The following CEP97 variants were observed in gnomAD, a reference collection of about 807,000 sequenced individuals.
CEP97 encodes the protein centrosomal protein of 97 kDa.
CEP97 carries 43 observed loss-of-function variants against 73.1 expected under a neutral mutation model. The observed-to-expected ratio is 0.59, with a 90% CI of 0.46 to 0.76. CEP97 has a LOEUF of 0.76. Among genes scored for constraint, CEP97 ranks in the 30% least tolerant of loss-of-function variants. The pLI is 0.00. For synonymous variants in CEP97, 337 were observed against 370.0 expected (o/e 0.91, Z 1.02); for missense variants, 939 against 1,014.0 (o/e 0.93, Z 1.00).
chr3:101,765,223 A>G lies in CEP97; in HGVS notation c.2270A>G (p.Glu757Gly). The change falls in exon 11 of 11, where the codon GAA becomes GGA. Residue 757 changes from glutamate (E) to glycine (G), a missense_variant. Glu to Gly is a moderately conservative substitution (Grantham distance 98, BLOSUM62 -2). Transcript: ENST00000341893. ...GGGGATGTTAGTGAAGAACATGGTG[A>G]ATGGAATAAGGAAAGCTCAAATAAC... is the stretch of plus-strand genomic sequence containing the variant. ...DLGDVSEEHG[E>G]WNKESSNNEQ... 1 of 1,614,214 alleles carries G rather than the reference A, an allele frequency of 6.2e-7. No homozygotes were observed. Among genetic ancestry groups the G allele is most frequent in the East Asian group, 2.2e-5 (1 of 44,878 alleles).
chr3:101,734,490 C>T (rs745518367), intron 6 of CEP97, among the ~76,000 whole-genome samples: 5 of 152,048 alleles, frequency 3.3e-5, no homozygotes, highest in South Asian at 4.1e-4. Flanking sequence ...GATGGGAGGA[C>T]GGGTGGTAGA....
At chr3:101,739,292 A>G (rs1938373130) in intron 6 of CEP97, among the ~76,000 whole-genome samples, 1 of 152,198 alleles carries the variant, frequency 6.6e-6, no homozygotes, top group Non-Finnish European at 1.5e-5. Flanking sequence ...ACAAAAGAAA[A>G]AGAGGGACTC....
chr3:101,744,683 A>G (rs1019876477), intron 6 of CEP97, among the ~76,000 whole-genome samples: 1 of 152,218 alleles, frequency 6.6e-6, no homozygotes, highest in Non-Finnish European at 1.5e-5. Flanking sequence ...TAGTCTGTCA[A>G]CAGTGCTCCC....
chr3:101,739,680 G>T (rs538352761), intron 6 of CEP97, among the ~76,000 whole-genome samples: 19 of 152,206 alleles, frequency 1.2e-4, no homozygotes, highest in African/African-American at 4.6e-4. Flanking sequence ...GGCCGAGGTG[G>T]GTGGATCATG....
chr3:101,752,563 G>A (rs1039119481), intron 6 of CEP97, among the ~76,000 whole-genome samples: 5 of 152,106 alleles, frequency 3.3e-5, no homozygotes, highest in Non-Finnish European at 7.3e-5. Context: ...TTTTCACATA[G>A]TCCCTATTTC....
Position 101,757,153 on chromosome 3 carries a change from G to C in CEP97, c.984G>C (p.Glu328Asp), listed in dbSNP as rs183185194. The stretch of plus-strand genomic sequence containing the variant: ...AAACAAGGGCATCCCTTATTCCTGA[G>C]CATTCAAGCCCTGTTCAAGATTGCC... The part of the protein sequence containing the change: ...PVETRASLIP[E>D]HSSPVQDCQI... The change falls in exon 8 of 11, where the codon GAG (glutamate) becomes GAC (aspartate). Residue 328 changes from glutamate (E) to aspartate (D), a missense_variant. Physicochemically the swap from Glu to Asp is conservative, Grantham distance 45 (BLOSUM62 2). Transcript: ENST00000341893. The C allele has an allele frequency of 1.6e-5, 25 of 1,612,876 alleles. No homozygotes were observed. The highest frequency in any genetic ancestry group is 2.1e-5 in the Non-Finnish European group (25 of 1,179,706).
intron 6 of CEP97, among the ~76,000 whole-genome samples, chr3:101,741,644 C>A (rs970255708): frequency 3.3e-5 from 5 of 152,086 alleles, no homozygotes; most frequent in African/African-American, 1.2e-4. Flanking sequence ...ATGCGGCCAA[C>A]AATCATATGA....
At position 101,766,576 on chromosome 3, in the gene CEP97, C is replaced by G. The variant is rs1168569850; in HGVS notation, c.*1025C>G. The G allele has an allele frequency of 6.6e-6, 1 of 152,370 alleles. No individual in the cohort carries two copies. Among genetic ancestry groups the G allele is most frequent in the Non-Finnish European group, 1.5e-5 (1 of 67,996 alleles). 9.4% of individuals were successfully genotyped at this position (152,370 alleles called of 1,614,324 possible). On this transcript the variant is annotated 3_prime_UTR_variant, in exon 11 of 11. Transcript: ENST00000341893. ...TTTTGTCTAACCTGAAAAAGTTCCA[C>G]ATTTGGAAGACAATTTAATGATGGT...
At chr3:101,745,318 T>G (rs1461093887) in intron 6 of CEP97, among the ~76,000 whole-genome samples, 1 of 152,190 alleles carries the variant, frequency 6.6e-6, no homozygotes, top group African/African-American at 2.4e-5. Flanking sequence ...TGGAATGCAG[T>G]GACAGGATCA....
chr3:101,764,808 T>C, intron 10 of CEP97, 39 bp from the exon 11 acceptor site: 16 of 1,529,302 alleles, frequency 1.0e-5, no homozygotes, highest in Non-Finnish European at 1.4e-5. Flanking sequence ...AAAACAACAC[T>C]TTTTATTTTA....
chr3:101,735,900 G>A (rs942165039), intron 6 of CEP97, among the ~76,000 whole-genome samples: 6 of 152,170 alleles, frequency 3.9e-5, no homozygotes, highest in Admixed American at 2.6e-4. Context: ...GTGGTCTAGC[G>A]CAGAGGATCC....
At chr3:101,737,707 GA>G (rs1283421329) in intron 6 of CEP97, among the ~76,000 whole-genome samples, 1 of 152,052 alleles carries the variant, frequency 6.6e-6, no homozygotes, top group African/African-American at 2.4e-5. Flanking sequence ...ACATGGAAAG[GA>G]AAAACCAGTA....
At chr3:101,763,356 G>C (rs974007538) in intron 10 of CEP97, among the ~76,000 whole-genome samples, 2 of 151,752 alleles carry the variant, frequency 1.3e-5, no homozygotes, top group Non-Finnish European at 2.9e-5. Context: ...ATAAGGTAAT[G>C]GTATTCACCA....
At chr3:101,730,556 G>T (rs1235099903) in intron 4 of CEP97, among the ~76,000 whole-genome samples, 1 of 149,374 alleles carries the variant, frequency 6.7e-6, no homozygotes, top group Non-Finnish European at 1.5e-5. Context: ...GAGCCACTGC[G>T]CTGGGTCCCA....
chr3:101,768,628 G>C lies in CEP97; in HGVS notation c.*3077G>C, dbSNP rs1704372581. 1.3e-5 allele frequency: 2 copies of C among 152,190 alleles called. No individual in the cohort carries two copies. The highest frequency in any genetic ancestry group is 4.8e-5 in the African/African-American group (2 of 41,430). 9.4% of individuals were successfully genotyped at this position (152,190 alleles called of 1,614,324 possible). On this transcript the variant is annotated 3_prime_UTR_variant, in exon 11 of 11. Coordinates refer to ENST00000341893, the MANE Select transcript of CEP97 (RefSeq NM_024548.4). ...AGGCCAGAGGATCACTTGAGGCCAGGAGTTCAAGACCAGCCTGGACAACAT... is the reference window on the plus strand; with the variant it reads ...AGGCCAGAGGATCACTTGAGGCCAGCAGTTCAAGACCAGCCTGGACAACAT...
intron 10 of CEP97, 24 bp from the exon 11 acceptor site, chr3:101,764,823 A>G (rs1006909074): frequency 1.9e-5 from 29 of 1,548,434 alleles, no homozygotes; most frequent in Middle Eastern, 3.8e-4. Flanking sequence ...ATTTTATAAT[A>G]CAACTGTATT....
At position 101,757,788 on chromosome 3, in the gene CEP97, A is replaced by T; in HGVS notation, c.1182A>T (p.Leu394Phe). The T allele has an allele frequency of 2.5e-6, 4 of 1,614,266 alleles. No homozygotes were observed. The highest frequency in any genetic ancestry group is 3.4e-6 in the Non-Finnish European group (4 of 1,180,046). Residue 394 changes from leucine to phenylalanine, a missense_variant, in exon 9 of 11, where the codon TTA (leucine) becomes TTT (phenylalanine). Transcript: ENST00000341893. ...ACATACAGACGGATGAGGACAAGTTAAACTGTAGTCTTCTCTCTTCAGAGT... is the reference window on the plus strand; with the variant it reads ...ACATACAGACGGATGAGGACAAGTTTAACTGTAGTCTTCTCTCTTCAGAGT... ...LEDIQTDEDK[L>F]NCSLLSSEST...
intron 9 of CEP97, among the ~76,000 whole-genome samples, chr3:101,760,596 T>C (rs1939144843): frequency 1.3e-5 from 2 of 152,098 alleles, no homozygotes; most frequent in South Asian, 4.1e-4. Flanking sequence ...GGCTGGAGTG[T>C]AGTGGCGTGA....
chr3:101,764,657 A>G (rs1331165592), intron 10 of CEP97, among the ~76,000 whole-genome samples, 190 bp from the exon 11 acceptor site: 1 of 149,920 alleles, frequency 6.7e-6, no homozygotes, highest in Non-Finnish European at 1.5e-5. Flanking sequence ...GGGCACCTGG[A>G]GTCCTAGCTG....
Sources: allele counts gnomAD v4.1 joint callset (sites outside exome capture counted in the v4.1 genomes callset), GRCh38; gene constraint gnomAD v4.1.1; transcripts MANE v1.5; gene names NCBI Gene and HGNC (gene_info 2026-07-23, HGNC 2026-07-21).